Variants in ADCY2 observed in about 807,000 individuals in gnomAD.
ADCY2 encodes the protein adenylate cyclase 2.
In ADCY2, 31 loss-of-function variants were observed where a neutral mutation model predicts 125.2. That is an observed-to-expected ratio of 0.25 (90% CI 0.19 to 0.33). The LOEUF (loss-of-function observed/expected upper bound fraction) is 0.33, where lower values mean the gene tolerates loss of function less well. ADCY2 is among the 10% of genes least tolerant of loss of function. ADCY2 has a pLI of 1.00. For synonymous variants in ADCY2, 512 were observed against 548.4 expected (o/e 0.93, Z 0.93); for missense variants, 904 against 1,418.2 (o/e 0.64, Z 5.82).
intron 21 of ADCY2, among the ~76,000 whole-genome samples, chr5:7,804,069 A>AGAGAGAGAGAGAGAGAGC (rs1553990875): frequency 6.5e-4 from 92 of 140,486 alleles, no homozygotes; most frequent in Admixed American, 1.6e-3. Flanking sequence ...AGAGAGAGAG[A>AGAGAGAGAGAGAGAGAGC]GAGAGCTGGT....
At chr5:7,663,231 CA>C (rs1016520165) in intron 4 of ADCY2, among the ~76,000 whole-genome samples, 3 of 151,858 alleles carry the variant, frequency 2.0e-5, no homozygotes, top group East Asian at 1.9e-4. Flanking sequence ...TTAGCCACAC[CA>C]AAAAAAAGGA....
intron 7 of ADCY2, among the ~76,000 whole-genome samples, chr5:7,703,635 G>A (rs891446659): frequency 6.6e-5 from 10 of 152,170 alleles, no homozygotes; most frequent in Admixed American, 6.5e-4. Flanking sequence ...TAGCCTTGTA[G>A]TATAGTTTGA....
intron 3 of ADCY2, among the ~76,000 whole-genome samples, chr5:7,598,668 T>A (rs1737093325): frequency 6.6e-6 from 1 of 152,088 alleles, no homozygotes; most frequent in East Asian, 1.9e-4. Context: ...GGGTGTGAGT[T>A]GTTTCCAGTG....
intron 2 of ADCY2, among the ~76,000 whole-genome samples, chr5:7,503,758 G>A (rs1041588453): frequency 1.3e-5 from 2 of 152,354 alleles, no homozygotes; most frequent in East Asian, 3.9e-4. Context: ...GTAGAGATCA[G>A]CGCCAATGTG....
chr5:7,437,428 C>G (rs1212805444), intron 2 of ADCY2, among the ~76,000 whole-genome samples: 1 of 152,202 alleles, frequency 6.6e-6, no homozygotes. Context: ...AAGTTAAGAG[C>G]ACAGGTCTGC....
At chr5:7,507,097 A>T (rs1425704518) in intron 2 of ADCY2, among the ~76,000 whole-genome samples, 1 of 150,940 alleles carries the variant, frequency 6.6e-6, no homozygotes, top group Admixed American at 6.6e-5. Context: ...CACACGCGGG[A>T]GGGCTTGTGT....
chr5:7,555,869 C>T (rs1735493492), intron 3 of ADCY2, among the ~76,000 whole-genome samples: 1 of 149,246 alleles, frequency 6.7e-6, no homozygotes, highest in Non-Finnish European at 1.5e-5. Flanking sequence ...CACACACACA[C>T]ACACACACAC....
rs1416786024 is a variant in ADCY2, at chr5:7,647,588, C to T, written c.720+21272C>T. 2.6e-5 allele frequency among the ~76,000 whole-genome samples: 4 copies of T among 152,198 alleles called. No individual in the cohort carries two copies. The East Asian group carries it at 7.7e-4, about 29-fold the overall frequency. On this transcript the variant is annotated intron_variant, in intron 4 of 24. Transcript: ENST00000338316. ...CCTAAATATTTGGGAAAAGGTAGCCCCAAAGGAAGCTTTTGGAAATGTTCA... is the reference window on the plus strand; with the variant it reads ...CCTAAATATTTGGGAAAAGGTAGCCTCAAAGGAAGCTTTTGGAAATGTTCA...
chr5:7,414,956 G>C (rs899643480), intron 2 of ADCY2, among the ~76,000 whole-genome samples, 186 bp downstream of exon 2: 1 of 151,522 alleles, frequency 6.6e-6, no homozygotes, highest in Non-Finnish European at 1.5e-5. Flanking sequence ...GTATTATGGG[G>C]TACAAGGTAT....
At chr5:7,719,384 C>T (rs1463503262) in intron 12 of ADCY2, among the ~76,000 whole-genome samples, 1 of 152,146 alleles carries the variant, frequency 6.6e-6, no homozygotes, top group Non-Finnish European at 1.5e-5. Context: ...AGCTCTTATG[C>T]ATATATTTTT....
chr5:7,420,125 G>T (rs890927841), intron 2 of ADCY2, among the ~76,000 whole-genome samples: 1 of 152,132 alleles, frequency 6.6e-6, no homozygotes, highest in African/African-American at 2.4e-5. Context: ...CGGGTATGGG[G>T]GAATGCTACT....
chr5:7,698,291 C>T lies in ADCY2; in HGVS notation c.1026C>T (p.Tyr342=). 2 of 1,613,914 alleles carry T rather than the reference C, an allele frequency of 1.2e-6. No individual in the cohort carries two copies. The highest frequency in any genetic ancestry group is 1.7e-6 in the Non-Finnish European group (2 of 1,179,766). ...MRIKILGDCY[Y]CVSGLPISLP... is the part of the protein sequence containing the mutation. ...TTAAAATTTTAGGAGACTGCTACTA[C>T]TGTGTATCTGGACTCCCTATATCTC... Residue 342 remains tyrosine (Y), a synonymous_variant, in exon 7 of 25, where the codon TAC becomes TAT. Coordinates refer to ENST00000338316, the MANE Select transcript of ADCY2 (RefSeq NM_020546.3).
intron 2 of ADCY2, among the ~76,000 whole-genome samples, chr5:7,432,654 T>A (rs1740647319): frequency 6.6e-6 from 1 of 152,160 alleles, no homozygotes; most frequent in South Asian, 2.1e-4. Flanking sequence ...GAGGGAAAAA[T>A]CCTGCTTCAT....
intron 12 of ADCY2, among the ~76,000 whole-genome samples, chr5:7,721,812 T>C (rs1027698153): frequency 1.3e-5 from 2 of 152,212 alleles, no homozygotes; most frequent in Non-Finnish European, 2.9e-5. Flanking sequence ...GTAGTATAGT[T>C]TGAAGTCAGG....
intron 3 of ADCY2, among the ~76,000 whole-genome samples, chr5:7,608,930 C>A (rs553338013): frequency 2.4e-4 from 37 of 152,282 alleles, no homozygotes; most frequent in African/African-American, 8.7e-4. Context: ...TGCCATTTTT[C>A]CCCCCAAGAG....
intron 3 of ADCY2, among the ~76,000 whole-genome samples, chr5:7,541,921 C>T (rs564101975): frequency 3.9e-5 from 6 of 152,276 alleles, no homozygotes; most frequent in African/African-American, 7.2e-5. Flanking sequence ...ACTATTTCCA[C>T]GAAATGGATG....
intron 18 of ADCY2, among the ~76,000 whole-genome samples, chr5:7,783,369 C>T (rs1743979639): frequency 6.6e-6 from 1 of 152,080 alleles, no homozygotes; most frequent in African/African-American, 2.4e-5. Flanking sequence ...TGGTACCCAC[C>T]TTTGACTGAT....
intron 2 of ADCY2, among the ~76,000 whole-genome samples, chr5:7,440,704 G>C (rs1308278639): frequency 6.6e-6 from 1 of 151,694 alleles, no homozygotes; most frequent in Non-Finnish European, 1.5e-5. Context: ...AAATTTCTTA[G>C]AGATAGGAAA....
At chr5:7,794,803 T>G (rs1744372064) in intron 20 of ADCY2, 2 of 152,100 alleles carry the variant, frequency 1.3e-5, no homozygotes, top group Admixed American at 1.3e-4. Context: ...CCAGGCCAGG[T>G]GGGGCTAATA....
Sources: allele counts gnomAD v4.1 joint callset (sites outside exome capture counted in the v4.1 genomes callset), GRCh38; gene constraint gnomAD v4.1.1; transcripts MANE v1.5; gene names NCBI Gene and HGNC (gene_info 2026-07-23, HGNC 2026-07-21).